The following CHSY3 variants were observed in gnomAD, a reference collection of about 807,000 sequenced individuals.
The protein encoded by CHSY3 is chondroitin sulfate synthase 3, also known as N-acetylgalactosaminyl-proteoglycan 3-beta-glucuronosyltransferase 3.
In CHSY3, 35 loss-of-function variants were observed where a neutral mutation model predicts 67.2. The ratio of observed to expected loss-of-function variants is 0.52; its 90% CI spans 0.40 to 0.69. CHSY3 has a LOEUF of 0.69. Ranked by LOEUF, CHSY3 falls within the 30% of genes least tolerant of loss-of-function variation. CHSY3 has a pLI of 0.00. For synonymous variants in CHSY3, 474 were observed against 434.7 expected (o/e 1.09, Z -1.12); for missense variants, 1,069 against 1,138.5 (o/e 0.94, Z 0.88).
intron 2 of CHSY3, among the ~76,000 whole-genome samples, chr5:130,020,461 A>ATATATATATATATATATATATATATT (rs1371121130): frequency 1.3e-5 from 1 of 79,934 alleles, no homozygotes; most frequent in African/African-American, 6.1e-5. Flanking sequence ...ATATATATAT[A>ATATATATATATATATATATATATATT]TTTTTTTTTT....
At chr5:130,083,223 T>A (rs1363817842) in intron 2 of CHSY3, among the ~76,000 whole-genome samples, 1 of 152,034 alleles carries the variant, frequency 6.6e-6, no homozygotes. Flanking sequence ...CTCCTATCAA[T>A]TATTTTATTT....
intron 2 of CHSY3, among the ~76,000 whole-genome samples, chr5:130,087,905 G>A (rs933606124): frequency 6.5e-4 from 98 of 151,746 alleles, no homozygotes; most frequent in South Asian, 1.5e-3. Context: ...AGCCCACATC[G>A]CCAAGTCAAT....
chr5:130,176,207 C>A (rs905998960), intron 2 of CHSY3, among the ~76,000 whole-genome samples: 2 of 152,010 alleles, frequency 1.3e-5, no homozygotes, highest in African/African-American at 4.8e-5. Context: ...ACAGACATTT[C>A]TCAAAAGAAG....
At chr5:130,031,307 A>G (rs1050459813) in intron 2 of CHSY3, among the ~76,000 whole-genome samples, 2 of 152,140 alleles carry the variant, frequency 1.3e-5, no homozygotes, top group East Asian at 3.9e-4. Flanking sequence ...TTCATCCAAG[A>G]TATACTTATT....
intron 2 of CHSY3, among the ~76,000 whole-genome samples, chr5:130,006,501 T>C (rs1405464152): frequency 6.6e-6 from 1 of 152,192 alleles, no homozygotes; most frequent in African/African-American, 2.4e-5. Flanking sequence ...AAATGCCTTA[T>C]AAAATAAGAG....
At chr5:129,905,686 G>C (rs1421396504) in intron 1 of CHSY3, 55 bp downstream of exon 1, 16 of 1,591,268 alleles carry the variant, frequency 1.0e-5, no homozygotes, top group Middle Eastern at 1.7e-4. Context: ...TCCTTTCTCT[G>C]TAACCGGTCC....
rs1247755317 is a variant in CHSY3 at position 130,185,306 on chromosome 5, A to G, written c.2164A>G (p.Ile722Val). The change falls in exon 3 of 3, where the codon ATC becomes GTC. Residue 722 changes from isoleucine (I) to valine (V), a missense_variant. Ile to Val is a conservative substitution (Grantham distance 29). This residue lies in a region of CHSY3 where 401 missense variants were observed against 395.2 expected (regional missense o/e 1.01). Coordinates refer to ENST00000305031, the MANE Select transcript of CHSY3 (RefSeq NM_175856.5). ...GCTGCTATTTTGTGATGTTGACTTG[A>G]TCTTCAGAGAAGATTTTCTCCAACG... ...TLLLFCDVDL[I>V]FREDFLQRCR... The G allele has an allele frequency of 1.2e-6, 2 of 1,612,128 alleles. No individual in the cohort carries two copies. Among genetic ancestry groups the G allele is most frequent in the African/African-American group, 1.3e-5 (1 of 75,010 alleles).
chr5:130,034,751 CAG>C (rs1764801756), intron 2 of CHSY3, among the ~76,000 whole-genome samples: 1 of 152,082 alleles, frequency 6.6e-6, no homozygotes, highest in African/African-American at 2.4e-5. Flanking sequence ...TGGGAGAAGA[CAG>C]TGTTTTGCAA....
Position 129,975,233 on chromosome 5 carries a change from T to A in CHSY3, c.1086+66873T>A, listed in dbSNP as rs564249831. Among the ~76,000 whole-genome samples, 5 of 152,174 alleles carry A rather than the reference T, an allele frequency of 3.3e-5. No homozygotes were observed. In the East Asian group the frequency reaches 5.8e-4, roughly 18 times the overall value. ...CTAAAACTTAAAGTATAATAAAAAA[T>A]AAATAAATAAATACAATCTAAGACT... On this transcript the variant is annotated intron_variant, in intron 2 of 2. Coordinates refer to ENST00000305031, the MANE Select transcript of CHSY3 (RefSeq NM_175856.5).
chr5:129,979,028 G>C (rs1344245520), intron 2 of CHSY3, among the ~76,000 whole-genome samples: 3 of 151,004 alleles, frequency 2.0e-5, no homozygotes, highest in East Asian at 3.9e-4. Flanking sequence ...GAAACCCCCT[G>C]TCTACTAAAA....
At chr5:130,054,118 C>T (rs538799415) in intron 2 of CHSY3, among the ~76,000 whole-genome samples, 1 of 152,224 alleles carries the variant, frequency 6.6e-6, no homozygotes, top group Non-Finnish European at 1.5e-5. Context: ...TACTTTCACG[C>T]TTTGTATCTC....
Position 129,948,565 on chromosome 5 carries a change from A to C in CHSY3, c.1086+40205A>C, listed in dbSNP as rs185216253. Among the ~76,000 whole-genome samples, 15 of 152,258 alleles carry C rather than the reference A, an allele frequency of 9.9e-5. No individual in the cohort carries two copies. The East Asian group carries it at 1.7e-3, about 18-fold the overall frequency. On this transcript the variant is annotated intron_variant, in intron 2 of 2. Transcript: ENST00000305031. ...TATAAATATATGTTCACACACACCA[A>C]AATTTCTTTATCCACTCATTGATTG... is the stretch of plus-strand genomic sequence containing the variant.
chr5:130,106,741 C>T (rs1220733749), intron 2 of CHSY3, among the ~76,000 whole-genome samples: 1 of 151,526 alleles, frequency 6.6e-6, no homozygotes, highest in Non-Finnish European at 1.5e-5. Context: ...ATAATCTCAG[C>T]TGTCACTGTT....
chr5:130,032,681 A>AG (rs1764736513), intron 2 of CHSY3, among the ~76,000 whole-genome samples: 1 of 152,186 alleles, frequency 6.6e-6, no homozygotes, highest in Non-Finnish European at 1.5e-5. Flanking sequence ...ATGAGTACCC[A>AG]GGTTAGACAT....
At chr5:130,017,173 G>A (rs1016771031) in intron 2 of CHSY3, among the ~76,000 whole-genome samples, 1 of 152,050 alleles carries the variant, frequency 6.6e-6, no homozygotes, top group African/African-American at 2.4e-5. Flanking sequence ...GGATACTGCC[G>A]GCAGTTGTTT....
chr5:129,996,355 T>G (rs1178892839), intron 2 of CHSY3, among the ~76,000 whole-genome samples: 1 of 152,200 alleles, frequency 6.6e-6, no homozygotes, highest in Non-Finnish European at 1.5e-5. Flanking sequence ...CAGGACTGTA[T>G]TCATACACCA....
intron 2 of CHSY3, among the ~76,000 whole-genome samples, chr5:130,132,930 G>A (rs1474747259): frequency 2.0e-5 from 3 of 152,126 alleles, no homozygotes; most frequent in Non-Finnish European, 4.4e-5. Context: ...TCAGACTTCT[G>A]TAATCTTTCA....
chr5:130,124,457 CTTT>C (rs113386866), intron 2 of CHSY3, among the ~76,000 whole-genome samples: 5 of 142,644 alleles, frequency 3.5e-5, no homozygotes, highest in South Asian at 2.2e-4. Context: ...ACAGAGCGAA[CTTT>C]TTTTTTTTTT....
Position 130,185,741 on chromosome 5 carries a change from C to T in CHSY3, c.2599C>T (p.Leu867Phe), listed in dbSNP as rs1770400600. 6.2e-7 allele frequency: 1 copy of T among 1,611,154 alleles called. No individual in the cohort carries two copies. The highest frequency in any genetic ancestry group is 1.7e-5 in the Admixed American group (1 of 59,872). Residue 867 changes from leucine (L) to phenylalanine (F), a missense_variant, in exon 3 of 3, where the codon CTC becomes TTC. Leu to Phe is a conservative substitution (Grantham distance 22). Transcript: ENST00000305031. ...CGCCTCAACCATGCAACTGGCTGAA[C>T]TCTGGCTTGAAAAACATTTAGGTGT... ...TFASTMQLAELWLEKHLGVRY... is the reference protein window; with the variant it reads ...TFASTMQLAEFWLEKHLGVRY...
Sources: allele counts gnomAD v4.1 joint callset (sites outside exome capture counted in the v4.1 genomes callset), GRCh38; gene constraint gnomAD v4.1.1; regional missense constraint gnomAD v4.1.1; transcripts MANE v1.5; gene names NCBI Gene and HGNC (gene_info 2026-07-23, HGNC 2026-07-21).